Variants in MGAT5 observed in about 807,000 individuals in gnomAD.
The protein encoded by MGAT5 is alpha-1,6-mannosylglycoprotein 6-beta-N-acetylglucosaminyltransferase, also known as alpha-1,6-mannosylglycoprotein 6-beta-N-acetylglucosaminyltransferase A.
MGAT5 carries 30 observed loss-of-function variants against 94.3 expected under a neutral mutation model. The ratio of observed to expected loss-of-function variants is 0.32; its 90% CI spans 0.24 to 0.43. MGAT5 has a LOEUF of 0.43. MGAT5 is among the 20% of genes least tolerant of loss of function. The pLI, the probability that MGAT5 is intolerant of heterozygous loss-of-function variation, is 1.00. For synonymous variants in MGAT5, 310 were observed against 322.9 expected, an observed-to-expected ratio of 0.96 and a Z score of 0.43; for missense variants, 691 against 905.5, an observed-to-expected ratio of 0.76 and a Z score of 3.04.
intron 1 of MGAT5, among the ~76,000 whole-genome samples, chr2:134,220,340 A>C (rs560142622): frequency 1.3e-5 from 2 of 152,230 alleles, no homozygotes; most frequent in African/African-American, 2.4e-5. Flanking sequence ...GACCAAATGA[A>C]ATGACCTGTC....
At chr2:134,264,781 G>A (rs910538862) in intron 1 of MGAT5, among the ~76,000 whole-genome samples, 4 of 152,248 alleles carry the variant, frequency 2.6e-5, no homozygotes, top group South Asian at 2.1e-4. Flanking sequence ...TCTCATTAAC[G>A]CCCTGTCTTT....
At chr2:134,276,636 A>G (rs1424037585) in intron 2 of MGAT5, among the ~76,000 whole-genome samples, 2 of 152,218 alleles carry the variant, frequency 1.3e-5, no homozygotes, top group South Asian at 4.1e-4. Context: ...TTCAATGTTA[A>G]ATGAAGGAGT....
chr2:134,139,305 G>A (rs1296853337), intron 1 of MGAT5, among the ~76,000 whole-genome samples: 1 of 152,242 alleles, frequency 6.6e-6, no homozygotes, highest in Admixed American at 6.5e-5. Flanking sequence ...GCCTGTGGCT[G>A]TTAAGATCCA....
chr2:134,338,410 A>G lies in MGAT5; in HGVS notation c.797A>G (p.Lys266Arg). The change falls in exon 6 of 16, where the codon AAG (lysine) becomes AGG (arginine). Residue 266 changes from lysine (K) to arginine (R), a missense_variant. Around this residue, in one of 4 missense-constraint regions of MGAT5, gnomAD observed 307 missense variants for 335.4 expected, o/e 0.92. Coordinates refer to ENST00000281923, the MANE Select transcript of MGAT5 (RefSeq NM_002410.5). ...GAAAAGCAGAACCTTGAAAAGAGAA[A>G]GCGGAAGAAAGTGAGTTTCTTATTA... ...LAEKQNLEKRKRKKVLVHLGL... is the reference protein window; with the variant it reads ...LAEKQNLEKRRRKKVLVHLGL... The G allele has an allele frequency of 6.3e-7, 1 of 1,598,690 alleles. No homozygotes were observed. The highest frequency in any genetic ancestry group is 8.5e-7 in the Non-Finnish European group (1 of 1,175,082).
At chr2:134,246,340 C>G (rs1197856844) in intron 1 of MGAT5, among the ~76,000 whole-genome samples, 1 of 152,160 alleles carries the variant, frequency 6.6e-6, no homozygotes, top group Non-Finnish European at 1.5e-5. Flanking sequence ...TGGGCACCTG[C>G]TGAGTGGGCT....
At chr2:134,438,030 A>AAAAG (rs3066844) in intron 14 of MGAT5, among the ~76,000 whole-genome samples, 1 of 151,870 alleles carries the variant, frequency 6.6e-6, no homozygotes, top group Non-Finnish European at 1.5e-5. Flanking sequence ...AAAAAAAAAA[A>AAAAG]GATTTACAGG....
rs1002105617 is a variant in MGAT5 at position 134,452,647 on chromosome 2, A to G, written c.*3800A>G. 1.3e-5 allele frequency: 2 copies of G among 152,178 alleles called. No homozygotes were observed. The highest frequency in any genetic ancestry group is 1.5e-5 in the Non-Finnish European group (1 of 68,044). The allele number at this position is 152,178 out of a possible 1,614,324, so 9.4% of individuals were successfully genotyped here. A position where few individuals can be genotyped will look rare whatever the true frequency, so the allele number is the denominator to read the frequency against. On this transcript the variant is annotated 3_prime_UTR_variant, in exon 16 of 16. Transcript: ENST00000281923. ...GGTTTACCTAGCTTGTGTATATTAG[A>G]CATTGCCACCCTCACCTCTGGCCAA...
Position 134,153,354 on chromosome 2 carries a change from C to CT in MGAT5, c.-143+33072dup, listed in dbSNP as rs779673263. 5.0e-4 allele frequency among the ~76,000 whole-genome samples: 76 copies of CT among 151,652 alleles called. 1 individual carries two copies. Among genetic ancestry groups the CT allele is most frequent in the African/African-American group, 1.7e-3 (71 of 41,350 alleles). ...AATCAGGAGACCCTTGGTCTTCTTT[C>CT]TTTTTTTTTATTATTAAATTGGAAT... On this transcript the variant is annotated intron_variant, in intron 1 of 16. Coordinates refer to the MGAT5 transcript ENST00000409645.
intron 1 of MGAT5, among the ~76,000 whole-genome samples, chr2:134,147,900 A>G (rs1686997776): frequency 6.6e-6 from 1 of 152,250 alleles, no homozygotes; most frequent in African/African-American, 2.4e-5. Context: ...AAGTAATATT[A>G]GAAATACCTT....
intron 1 of MGAT5, among the ~76,000 whole-genome samples, chr2:134,134,008 A>G (rs1686295851): frequency 6.6e-6 from 1 of 152,192 alleles, no homozygotes; most frequent in Non-Finnish European, 1.5e-5. Context: ...AAACTGTCTT[A>G]GGACCCCAAT....
chr2:134,444,236 G>A (rs1303573750), intron 15 of MGAT5, among the ~76,000 whole-genome samples: 2 of 152,178 alleles, frequency 1.3e-5, no homozygotes, highest in South Asian at 2.1e-4. Flanking sequence ...GAGCCAAGAC[G>A]GATAAGCCAG....
intron 1 of MGAT5, among the ~76,000 whole-genome samples, chr2:134,217,588 G>A (rs908372257): frequency 2.6e-5 from 4 of 152,178 alleles, no homozygotes; most frequent in Non-Finnish European, 4.4e-5. Flanking sequence ...ATTCATTAAA[G>A]TCCTTCATTT....
chr2:134,370,629 C>T (rs1276695226), intron 10 of MGAT5, among the ~76,000 whole-genome samples: 1 of 152,234 alleles, frequency 6.6e-6, no homozygotes, highest in Non-Finnish European at 1.5e-5. Context: ...TGGTGAGCCC[C>T]CAGGGGCAGC....
intron 1 of MGAT5, among the ~76,000 whole-genome samples, chr2:134,180,092 G>C (rs1688663669): frequency 6.6e-6 from 1 of 152,206 alleles, no homozygotes; most frequent in African/African-American, 2.4e-5. Flanking sequence ...GGAACCTTCA[G>C]TTCCAGGAGC....
intron 2 of MGAT5, among the ~76,000 whole-genome samples, chr2:134,286,721 G>T (rs577782064): frequency 1.4e-4 from 22 of 152,208 alleles, no homozygotes; most frequent in Non-Finnish European, 2.6e-4. Context: ...CCCAACTGAG[G>T]TTTCTTGAAT....
At chr2:134,292,196 C>T (rs1229831810) in intron 2 of MGAT5, among the ~76,000 whole-genome samples, 1 of 152,142 alleles carries the variant, frequency 6.6e-6, no homozygotes, top group Non-Finnish European at 1.5e-5. Context: ...TTTCAGATTG[C>T]GTCTGGGTCC....
chr2:134,398,282 A>T (rs982840707), intron 10 of MGAT5, among the ~76,000 whole-genome samples: 3 of 152,070 alleles, frequency 2.0e-5, no homozygotes, highest in South Asian at 4.2e-4. Context: ...TAGGACTTAA[A>T]TTTTTCTCTG....
chr2:134,181,463 G>A (rs954504455), intron 1 of MGAT5, among the ~76,000 whole-genome samples: 3 of 152,036 alleles, frequency 2.0e-5, no homozygotes, highest in African/African-American at 7.3e-5. Context: ...GTGGGGCAAC[G>A]GAAAAGGTCC....
intron 1 of MGAT5, among the ~76,000 whole-genome samples, chr2:134,153,541 A>G (rs1455310256): frequency 6.6e-6 from 1 of 152,186 alleles, no homozygotes; most frequent in East Asian, 1.9e-4. Context: ...CAAAGAAATA[A>G]AACCCTTCAT....
Sources: gnomAD v4.1 joint callset for allele counts (sites outside exome capture counted in the v4.1 genomes callset) on GRCh38, gnomAD v4.1.1 for gene constraint, gnomAD v4.1.1 regional missense constraint, MANE v1.5 for transcripts, NCBI Gene and HGNC (gene_info 2026-07-23, HGNC 2026-07-21) for gene names.